Variants in CSNK2A2IP observed in about 807,000 individuals in gnomAD.
CSNK2A2IP encodes the protein casein kinase II subunit alpha'-interacting protein.
At chr3:88,365,908 T>G in the CSNK2A2IP span, among the ~76,000 whole-genome samples, 20 of 152,234 alleles carry the variant, frequency 1.3e-4, no homozygotes, top group Middle Eastern at 3.4e-3. Flanking sequence ...AAACATATTA[T>G]TATTATCATT....
the CSNK2A2IP span, among the ~76,000 whole-genome samples, chr3:88,375,708 AGAAG>A: frequency 6.6e-6 from 1 of 151,832 alleles, no homozygotes; most frequent in Non-Finnish European, 1.5e-5. Flanking sequence ...CATGAACAAG[AGAAG>A]GAAGCAAATG....
At chr3:88,404,998 C>T in the CSNK2A2IP span, among the ~76,000 whole-genome samples, 3 of 152,248 alleles carry the variant, frequency 2.0e-5, no homozygotes, top group East Asian at 3.9e-4. Context: ...CTTTAGGTGA[C>T]GTTTGATTGA....
chr3:88,432,036 T>G, the CSNK2A2IP span, among the ~76,000 whole-genome samples: 2 of 152,086 alleles, frequency 1.3e-5, no homozygotes, highest in Non-Finnish European at 2.9e-5. Flanking sequence ...AACATTTCTG[T>G]TTCAGTTTCC....
At chr3:88,431,818 G>A in the CSNK2A2IP span, among the ~76,000 whole-genome samples, 1 of 152,112 alleles carries the variant, frequency 6.6e-6, no homozygotes, top group South Asian at 2.1e-4. Flanking sequence ...AGTGAAGCAA[G>A]TAAAAATGTG....
chr3:88,352,224 C>CTATCTAT, the CSNK2A2IP span, among the ~76,000 whole-genome samples: 52 of 151,808 alleles, frequency 3.4e-4, no homozygotes, highest in African/African-American at 1.1e-3. Flanking sequence ...CATCTATCTA[C>CTATCTAT]CTATCTATCT....
chr3:88,396,500 G>A, the CSNK2A2IP span, among the ~76,000 whole-genome samples: 5 of 152,206 alleles, frequency 3.3e-5, no homozygotes, highest in Admixed American at 1.3e-4. Flanking sequence ...GTTGAAGTCT[G>A]AAGCCGGAAC....
the CSNK2A2IP span, among the ~76,000 whole-genome samples, chr3:88,458,686 C>G: frequency 1.3e-5 from 2 of 151,940 alleles, no homozygotes; most frequent in Admixed American, 1.3e-4. Context: ...CTTTTTGATA[C>G]TGTCATTTAT....
chr3:88,348,654 C>T, the CSNK2A2IP span, among the ~76,000 whole-genome samples: 17 of 152,090 alleles, frequency 1.1e-4, 1 homozygote, highest in Middle Eastern at 6.8e-3. Flanking sequence ...TTCCTGAAAA[C>T]CCTTTTGTAT....
chr3:88,365,212 A>T, the CSNK2A2IP span, among the ~76,000 whole-genome samples: 3 of 152,184 alleles, frequency 2.0e-5, no homozygotes, highest in South Asian at 2.1e-4. Context: ...AAAGCAGAAC[A>T]TTACTGTTAA....
the CSNK2A2IP span, among the ~76,000 whole-genome samples, chr3:88,390,306 G>A: frequency 6.6e-6 from 1 of 152,138 alleles, no homozygotes; most frequent in Non-Finnish European, 1.5e-5. Flanking sequence ...AAGCATTTTG[G>A]TAAAGGTTAA....
chr3:88,391,532 A>G, the CSNK2A2IP span, among the ~76,000 whole-genome samples: 2 of 152,230 alleles, frequency 1.3e-5, no homozygotes, highest in South Asian at 4.1e-4. Flanking sequence ...TCTAAGCTGC[A>G]ATAGTTATTT....
At chr3:88,466,716 G>T in the CSNK2A2IP span, 1 of 1,094,032 alleles carries the variant, frequency 9.1e-7, no homozygotes, top group Non-Finnish European at 1.2e-6. Context: ...GGCAGATTTT[G>T]TTTAGAAGGA....
At chr3:88,444,910 G>A in the CSNK2A2IP span, among the ~76,000 whole-genome samples, 1 of 152,112 alleles carries the variant, frequency 6.6e-6, no homozygotes, top group Non-Finnish European at 1.5e-5. Context: ...AGAGACCTGT[G>A]TATCACATTT....
the CSNK2A2IP span, among the ~76,000 whole-genome samples, chr3:88,380,990 G>C: frequency 1.3e-5 from 2 of 152,106 alleles, no homozygotes; most frequent in African/African-American, 4.8e-5. Flanking sequence ...TGTAAACAGG[G>C]TGCCAGTCAA....
At chr3:88,347,012 T>G in the CSNK2A2IP span, among the ~76,000 whole-genome samples, 6 of 152,090 alleles carry the variant, frequency 3.9e-5, no homozygotes, top group Admixed American at 3.9e-4. Context: ...TGGAAAGAGT[T>G]GATTCCAACC....
the CSNK2A2IP span, among the ~76,000 whole-genome samples, chr3:88,387,765 G>A: frequency 2.0e-5 from 3 of 151,878 alleles, no homozygotes; most frequent in African/African-American, 7.3e-5. Flanking sequence ...TTGCTCTTTT[G>A]CCCAGGCTAG....
At chr3:88,456,420 AT>A in the CSNK2A2IP span, among the ~76,000 whole-genome samples, 11 of 151,608 alleles carry the variant, frequency 7.3e-5, no homozygotes, top group African/African-American at 2.7e-4. Context: ...TCCTTGGTTA[AT>A]TTTTTTTGTA....
At chr3:88,430,280 G>A in the CSNK2A2IP span, among the ~76,000 whole-genome samples, 1 of 151,924 alleles carries the variant, frequency 6.6e-6, no homozygotes, top group Non-Finnish European at 1.5e-5. Flanking sequence ...AGAAAAGGCT[G>A]CCATTTTCTT....
the CSNK2A2IP span, among the ~76,000 whole-genome samples, chr3:88,359,604 T>C: frequency 2.0e-5 from 3 of 152,156 alleles, no homozygotes; most frequent in East Asian, 5.8e-4. Flanking sequence ...AGTTTTCTTC[T>C]TAATTTATTT....
Sources: gnomAD v4.1 joint callset for allele counts (sites outside exome capture counted in the v4.1 genomes callset) on GRCh38, gnomAD v4.1.1 for gene constraint, MANE v1.5 for transcripts, NCBI Gene and HGNC (gene_info 2026-07-23, HGNC 2026-07-21) for gene names.